Variants in CDH8 observed in about 807,000 individuals in gnomAD.
CDH8 encodes the protein cadherin-8.
A neutral mutation model predicts 68.1 loss-of-function variants in CDH8; 17 were observed. The ratio of observed to expected loss-of-function variants is 0.25; its 90% CI spans 0.17 to 0.37. The LOEUF (loss-of-function observed/expected upper bound fraction) is 0.37, where lower values mean the gene tolerates loss of function less well. Among genes scored for constraint, CDH8 ranks in the 10% least tolerant of loss-of-function variants. The pLI, the probability that CDH8 is intolerant of heterozygous loss-of-function variation, is 1.00. For synonymous variants in CDH8, 372 were observed against 365.1 expected, an observed-to-expected ratio of 1.02 and a Z score of -0.21; for missense variants, 763 against 999.3, an observed-to-expected ratio of 0.76 and a Z score of 3.19.
chr16:62,011,492 C>T (rs1168455409), intron 2 of CDH8, among the ~76,000 whole-genome samples: 2 of 152,180 alleles, frequency 1.3e-5, no homozygotes, highest in East Asian at 3.9e-4. Context: ...AAACACTAGC[C>T]TCCTTGACCC....
chr16:61,766,585 A>T (rs1960599350), intron 8 of CDH8, among the ~76,000 whole-genome samples: 1 of 151,996 alleles, frequency 6.6e-6, no homozygotes, highest in Non-Finnish European at 1.5e-5. Context: ...TAGACGTTAT[A>T]CTAGTTTACA....
chr16:61,861,798 G>A (rs1963154559), intron 3 of CDH8, among the ~76,000 whole-genome samples: 1 of 101,548 alleles, frequency 9.8e-6, no homozygotes, highest in African/African-American at 7.5e-5. Flanking sequence ...GAACATTATT[G>A]TTACATCATC....
intron 4 of CDH8, among the ~76,000 whole-genome samples, 160 bp from the exon 5 acceptor site, chr16:61,825,339 A>C (rs1275407272): frequency 1.3e-5 from 2 of 151,962 alleles, no homozygotes; most frequent in South Asian, 4.1e-4. Flanking sequence ...TGCCTGTTAC[A>C]TCAATGAGAA....
At chr16:62,014,942 G>C (rs1901900342) in intron 2 of CDH8, among the ~76,000 whole-genome samples, 2 of 151,880 alleles carry the variant, frequency 1.3e-5, no homozygotes, top group South Asian at 4.2e-4. Flanking sequence ...AAGGAATTGA[G>C]GATCACAGGA....
At chr16:61,777,567 A>C (rs923028564) in intron 8 of CDH8, among the ~76,000 whole-genome samples, 2 of 152,146 alleles carry the variant, frequency 1.3e-5, no homozygotes, top group African/African-American at 4.8e-5. Context: ...CTATTCCTCC[A>C]TTCTCAATCC....
chr16:61,921,682 A>G (rs908874218), intron 2 of CDH8, among the ~76,000 whole-genome samples: 35 of 152,332 alleles, frequency 2.3e-4, no homozygotes, highest in African/African-American at 8.2e-4. Flanking sequence ...TTAATCAGCA[A>G]AAGAGCCATT....
intron 3 of CDH8, among the ~76,000 whole-genome samples, chr16:61,878,143 A>C (rs917425954): frequency 6.6e-6 from 1 of 152,212 alleles, no homozygotes; most frequent in African/African-American, 2.4e-5. Flanking sequence ...TAGAAAATTG[A>C]GTAATAAATT....
intron 2 of CDH8, 116 bp downstream of exon 2, chr16:62,021,036 A>G: frequency 1.1e-6 from 1 of 886,714 alleles, no homozygotes; most frequent in Admixed American, 2.3e-5. Context: ...AACTCACTAA[A>G]CATCTGGCTT....
chr16:61,934,448 C>T (rs1280812776), intron 2 of CDH8, among the ~76,000 whole-genome samples: 3 of 152,010 alleles, frequency 2.0e-5, no homozygotes, highest in East Asian at 1.9e-4. Context: ...GGACAGTATA[C>T]GATATTGTAT....
Position 61,812,800 on chromosome 16 carries a change from T to C in CDH8, c.1277+4679A>G, listed in dbSNP as rs1018141046. On this transcript the variant is annotated intron_variant, in intron 7 of 11. Coordinates refer to ENST00000577390, the MANE Select transcript of CDH8 (RefSeq NM_001796.5). ...CATAATCTAGAAGAGCGTGCATAGGTATAGTGGCCAATGATAAGCAGAAAC... is the reference window on the plus strand; with the variant it reads ...CATAATCTAGAAGAGCGTGCATAGGCATAGTGGCCAATGATAAGCAGAAAC... Among the ~76,000 whole-genome samples the C allele has an allele frequency of 6.6e-5, 10 of 152,138 alleles. 1 individual carries two copies.
intron 8 of CDH8, among the ~76,000 whole-genome samples, chr16:61,751,392 A>AC (rs1960155465): frequency 1.4e-5 from 2 of 146,564 alleles, no homozygotes; most frequent in African/African-American, 5.0e-5. Flanking sequence ...TAAAAAAAAA[A>AC]AAAAAAAAAA....
rs144528241 is a variant in CDH8, at chr16:61,971,661, T to C, written c.252+49491A>G. On this transcript the variant is annotated intron_variant, in intron 2 of 11. Transcript: ENST00000577390. ...TGATGAAATCACTGGCCGTTGGTGA[T>C]CAACTTAGCCTTCAGCCCCTCTTCC... Among the ~76,000 whole-genome samples the C allele has an allele frequency of 2.2e-3, 340 of 152,286 alleles. 2 individuals carry two copies. The East Asian group carries it at 0.04, about 18-fold the overall frequency.
chr16:62,022,419 T>C (rs1341595084), intron 1 of CDH8, among the ~76,000 whole-genome samples: 2 of 152,048 alleles, frequency 1.3e-5, no homozygotes, highest in Non-Finnish European at 1.5e-5. Context: ...AAATAAAATA[T>C]GGTAACAAAT....
chr16:61,832,331 A>AGATAG (rs1555513534), intron 4 of CDH8, among the ~76,000 whole-genome samples: 1 of 143,082 alleles, frequency 7.0e-6, no homozygotes, highest in African/African-American at 2.6e-5. Context: ...ACAGATAGAT[A>AGATAG]ATAGATAGAT....
At chr16:61,798,624 T>G (rs1441903478) in intron 7 of CDH8, among the ~76,000 whole-genome samples, 1 of 152,094 alleles carries the variant, frequency 6.6e-6, no homozygotes, top group Non-Finnish European at 1.5e-5. Flanking sequence ...TTGGCAGCTG[T>G]GTGGAGATCA....
intron 2 of CDH8, among the ~76,000 whole-genome samples, chr16:61,970,981 G>T (rs930657261): frequency 1.8e-4 from 27 of 151,596 alleles, no homozygotes; most frequent in African/African-American, 6.5e-4. Context: ...CCCTTAAGAA[G>T]GTACTTTGTA....
chr16:61,834,932 T>C (rs1355482732), intron 4 of CDH8, among the ~76,000 whole-genome samples: 1 of 151,948 alleles, frequency 6.6e-6, no homozygotes, highest in African/African-American at 2.4e-5. Context: ...TCTTGGTCTT[T>C]AGAAACTTAA....
chr16:61,825,413 A>G (rs902723224), intron 4 of CDH8, among the ~76,000 whole-genome samples: 15 of 151,902 alleles, frequency 9.9e-5, no homozygotes, highest in African/African-American at 3.6e-4. Context: ...TATAAAAAGA[A>G]CTTGCAAAAA....
intron 7 of CDH8, among the ~76,000 whole-genome samples, chr16:61,813,759 T>G (rs1163693354): frequency 6.6e-6 from 1 of 152,122 alleles, no homozygotes; most frequent in African/African-American, 2.4e-5. Flanking sequence ...CCTTGTTATG[T>G]GATAAGAACC....
Sources: allele counts gnomAD v4.1 joint callset (sites outside exome capture counted in the v4.1 genomes callset), GRCh38; gene constraint gnomAD v4.1.1; transcripts MANE v1.5; gene names NCBI Gene and HGNC (gene_info 2026-07-23, HGNC 2026-07-21).